The following PPIL3 variants were observed in gnomAD, a reference collection of about 807,000 sequenced individuals.
PPIL3 encodes peptidyl-prolyl cis-trans isomerase-like 3.
PPIL3 carries 13 observed loss-of-function variants against 20.9 expected under a neutral mutation model. The observed-to-expected ratio is 0.62, with a 90% CI of 0.40 to 0.99. The LOEUF is 0.99. PPIL3 is among the 50% of genes least tolerant of loss of function. The pLI is 0.00. For missense variants in PPIL3, 170 were observed against 195.2 expected (o/e 0.87, Z 0.77); for synonymous variants, 71 against 64.4 (o/e 1.10, Z -0.49).
In PPIL3 at chr2:200,885,688, T is replaced by G; in HGVS notation, c.78+10A>C. ...TAACTGATGTTGAATATGTAAATAA[T>G]AGTACTTACCTCACATGTTTTGGGT... On this transcript the variant is annotated intron_variant, in intron 3 of 6. Transcript: ENST00000392283. The G allele has an allele frequency of 6.7e-7, 1 of 1,497,498 alleles. No individual in the cohort carries two copies. Among genetic ancestry groups the G allele is most frequent in the Non-Finnish European group, 9.3e-7 (1 of 1,078,292 alleles). The allele number at this position is 1,497,498 out of a possible 1,614,324, so 92.8% of individuals were successfully genotyped here.
Position 200,882,354 on chromosome 2 carries a change from C to G in PPIL3, c.160G>C (p.Gly54Arg). The G allele has an allele frequency of 6.3e-7, 1 of 1,592,730 alleles. No homozygotes were observed. Among genetic ancestry groups the G allele is most frequent in the African/African-American group, 1.3e-5 (1 of 74,530 alleles). The part of the protein sequence containing the change: ...RNIKGFMVQT[G>R]DPTGTGRGGN... ...TGGAATAACTTACCTGTTGGATCTC[C>G]TGTTTGAACCATGAAACCCTTGATA... Residue 54 changes from glycine (G) to arginine (R), a missense_variant, in exon 4 of 7, where the codon GGA becomes CGA. Transcript: ENST00000392283.
At chr2:200,886,405 T>G (rs1355646333) in intron 2 of PPIL3, among the ~76,000 whole-genome samples, 2 of 152,172 alleles carry the variant, frequency 1.3e-5, no homozygotes, top group Admixed American at 1.3e-4. Flanking sequence ...GAAAACAATT[T>G]GGAGGGTTCC....
At chr2:200,888,674 C>G (rs1231165531) in intron 1 of PPIL3, 1 of 266,122 alleles carries the variant, frequency 3.8e-6, no homozygotes, top group African/African-American at 2.3e-5. Context: ...TACAGGCGCG[C>G]GCTACCATGC....
chr2:200,880,409 C>CTT (rs779189285), intron 5 of PPIL3, among the ~76,000 whole-genome samples: 5 of 131,886 alleles, frequency 3.8e-5, no homozygotes, highest in Non-Finnish European at 7.9e-5. Flanking sequence ...ATTGAGTAGA[C>CTT]TTTTTTTTTT....
intron 5 of PPIL3, among the ~76,000 whole-genome samples, chr2:200,879,577 A>T (rs1286224233): frequency 6.6e-6 from 1 of 152,172 alleles, no homozygotes; most frequent in East Asian, 1.9e-4. Context: ...GCTCACTCCT[A>T]TAATCCCAAC....
rs150565366 is a variant in PPIL3 at position 200,878,283 on chromosome 2, T to C, written c.241-1246A>G. On this transcript the variant is annotated intron_variant, in intron 5 of 6. Coordinates refer to ENST00000392283, the MANE Select transcript of PPIL3 (RefSeq NM_130906.3). ...TGAATAATGGGAGCTCAAGAAAAAA[T>C]AAAAGTTACCAATTAATTACATATA... Among the ~76,000 whole-genome samples the C allele has an allele frequency of 3.3e-3, 503 of 151,980 alleles. 6 individuals carry two copies. Among genetic ancestry groups the C allele is most frequent in the African/African-American group, 0.012 (479 of 41,458 alleles).
Position 200,882,488 on chromosome 2 carries a change from C to A in PPIL3, c.79-53G>T. 2.8e-6 allele frequency: 3 copies of A among 1,075,560 alleles called. No individual in the cohort carries two copies. In the Admixed American group the frequency reaches 5.3e-5, roughly 19 times the overall value. The allele number at this position is 1,075,560 out of a possible 1,614,324, so 66.6% of individuals were successfully genotyped here. On this transcript the variant is annotated intron_variant, in intron 3 of 6. Transcript: ENST00000392283. ...TGATGCAGCAGAAACCCAGTTAAGACAAAAAACCAATCATATTTACTGAAA... is the reference window on the plus strand; with the variant it reads ...TGATGCAGCAGAAACCCAGTTAAGAAAAAAAACCAATCATATTTACTGAAA...
chr2:200,874,009 T>G (rs1016301694), intron 6 of PPIL3, among the ~76,000 whole-genome samples: 9 of 151,222 alleles, frequency 6.0e-5, no homozygotes, highest in East Asian at 2.0e-4. Context: ...ATTGAGACCA[T>G]CCTGGCTAAC....
intron 3 of PPIL3, among the ~76,000 whole-genome samples, chr2:200,884,021 G>C (rs1021542951): frequency 6.6e-6 from 1 of 152,098 alleles, no homozygotes; most frequent in African/African-American, 2.4e-5. Flanking sequence ...CAAAGTGCTG[G>C]AATTATAGAT....
At chr2:200,881,292 G>C (rs995877388) in intron 5 of PPIL3, 129 bp downstream of exon 5, 22 of 689,892 alleles carry the variant, frequency 3.2e-5, no homozygotes, top group Admixed American at 6.6e-5. Context: ...TTTGTCAAAT[G>C]TACAAAAACT....
intron 6 of PPIL3, among the ~76,000 whole-genome samples, chr2:200,873,153 C>T (rs762680377): frequency 8.6e-5 from 13 of 151,728 alleles, no homozygotes; most frequent in Admixed American, 3.3e-4. Flanking sequence ...AGGCATGAGC[C>T]ACCAAGCCCA....
At chr2:200,881,629 A>C in intron 4 of PPIL3, 141 bp from the exon 5 acceptor site, 1 of 623,516 alleles carries the variant, frequency 1.6e-6, no homozygotes, top group Non-Finnish European at 2.7e-6. Flanking sequence ...AATTCCCCAA[A>C]TTTAACTTCA....
In PPIL3 at chr2:200,889,041, A is replaced by AAATAT; in HGVS notation, c.-157_-156insATATT. 2.1e-6 allele frequency: 1 copy of AAATAT among 471,184 alleles called. No individual in the cohort carries two copies. The highest frequency in any genetic ancestry group is 4.4e-6 in the Non-Finnish European group (1 of 227,058). The allele number at this position is 471,184 out of a possible 1,614,324, so 29.2% of individuals were successfully genotyped here. A position where few individuals can be genotyped will look rare whatever the true frequency, so the allele number is the denominator to read the frequency against. On this transcript the variant is annotated 5_prime_UTR_variant, in exon 1 of 7. Transcript: ENST00000392283. ...ATGCCAGCAGAGGTCTGTTGGTTCA[A>AAATAT]AATTATAGTTTCTTTGGGCCAGCGG...
In PPIL3 at chr2:200,871,458, G is replaced by C; in HGVS notation, c.423C>G (p.Tyr141Ter). ...TAATGTGTACATCATTAAGAGGTCG[G>C]TATGTCTTCTCATTTACTGGCAACT... ...LEKLPVNEKT[Y>*]RPLNDVHIKD... The change falls in exon 7 of 7, where the codon TAC becomes TAG. Residue 141 changes from tyrosine to a stop codon, truncating the protein, a stop_gained. Transcript: ENST00000392283. LOFTEE classifies it high-confidence loss of function. 2 of 1,609,852 alleles carry C rather than the reference G, an allele frequency of 1.2e-6. No individual in the cohort carries two copies. Among genetic ancestry groups the C allele is most frequent in the Non-Finnish European group, 1.7e-6 (2 of 1,176,284 alleles).
At chr2:200,878,653 T>G (rs1419107021) in intron 5 of PPIL3, among the ~76,000 whole-genome samples, 1 of 152,000 alleles carries the variant, frequency 6.6e-6, no homozygotes, top group Non-Finnish European at 1.5e-5. Flanking sequence ...CTCGGCCCCC[T>G]AAAGTGCTGG....
At position 200,889,045 on chromosome 2, in the gene PPIL3, T is replaced by C. The variant is rs989766684; in HGVS notation, c.-160A>G. The stretch of plus-strand genomic sequence containing the variant: ...CAGCAGAGGTCTGTTGGTTCAAAAT[T>C]ATAGTTTCTTTGGGCCAGCGGAAGT... On this transcript the variant is annotated 5_prime_UTR_variant, in exon 1 of 7. The change creates a new upstream start codon in the 5' untranslated region. Coordinates refer to ENST00000392283, the MANE Select transcript of PPIL3 (RefSeq NM_130906.3). 6.4e-6 allele frequency: 3 copies of C among 470,984 alleles called. No homozygotes were observed. The highest frequency in any genetic ancestry group is 1.3e-5 in the Non-Finnish European group (3 of 227,048). 29.2% of individuals were successfully genotyped at this position (470,984 alleles called of 1,614,324 possible).
At chr2:200,874,407 T>TA (rs571732461) in intron 6 of PPIL3, among the ~76,000 whole-genome samples, 181 of 152,010 alleles carry the variant, frequency 1.2e-3, no homozygotes, top group African/African-American at 4.2e-3. Context: ...GGTAAAAAGT[T>TA]AAAAAAACCC....
chr2:200,889,198 C>A (rs2040102661), upstream of PPIL3: 2 of 380,822 alleles, frequency 5.3e-6, no homozygotes, highest in Non-Finnish European at 1.0e-5. Context: ...TGAAAGGGAG[C>A]TCTACTAATA....
intron 5 of PPIL3, 137 bp from the exon 6 acceptor site, chr2:200,877,174 T>C: frequency 1.6e-6 from 1 of 629,008 alleles, no homozygotes; most frequent in Non-Finnish European, 2.8e-6. Context: ...TTGCTCAGGC[T>C]GGTCTCTAAC....
Sources: gnomAD v4.1 joint callset for allele counts (sites outside exome capture counted in the v4.1 genomes callset) on GRCh38, gnomAD v4.1.1 for gene constraint, MANE v1.5 for transcripts, NCBI Gene and HGNC (gene_info 2026-07-23, HGNC 2026-07-21) for gene names.